The following CREB5 variants were observed in gnomAD, a reference collection of about 807,000 sequenced individuals.
CREB5 encodes the protein cAMP responsive element binding protein 5.
A neutral mutation model predicts 57.1 loss-of-function variants in CREB5; 19 were observed. That is an observed-to-expected ratio of 0.33 (90% confidence interval 0.23 to 0.49). CREB5 has a LOEUF of 0.49. Ranked by LOEUF, CREB5 falls within the 20% of genes least tolerant of loss-of-function variation. The pLI, the probability that CREB5 is intolerant of heterozygous loss-of-function variation, is 0.99. For missense variants in CREB5, 579 were observed against 671.6 expected (o/e 0.86, Z 1.52); for synonymous variants, 238 against 238.3 (o/e 1.00, Z 0.01).
intron 1 of CREB5, among the ~76,000 whole-genome samples, chr7:28,462,333 A>G (rs177589): frequency 0.86 from 130,294 of 152,212 alleles, 55,919 homozygotes; most frequent in East Asian, 1. Context: ...CATTTGGGTT[A>G]TTTCTACTTT....
chr7:28,785,805 A>G (rs887865823), intron 7 of CREB5, among the ~76,000 whole-genome samples: 5 of 152,176 alleles, frequency 3.3e-5, no homozygotes, highest in Non-Finnish European at 7.3e-5. Flanking sequence ...GTGCTTGTGA[A>G]GCTCCAGGAC....
intron 7 of CREB5, among the ~76,000 whole-genome samples, chr7:28,728,714 GC>G (rs1242976016): frequency 6.6e-6 from 1 of 152,166 alleles, no homozygotes; most frequent in Non-Finnish European, 1.5e-5. Context: ...ACTGAGAAAG[GC>G]CCCATGAATG....
chr7:28,669,011 G>T (rs926447549), intron 5 of CREB5, among the ~76,000 whole-genome samples: 10 of 152,182 alleles, frequency 6.6e-5, no homozygotes, highest in African/African-American at 2.4e-4. Context: ...CACCAATACT[G>T]TGCATCAGAA....
At chr7:28,584,537 TGC>T (rs1796242069) in intron 5 of CREB5, among the ~76,000 whole-genome samples, 1 of 152,166 alleles carries the variant, frequency 6.6e-6, no homozygotes. Context: ...CGCCAGGGAT[TGC>T]CAGCCACCAC....
intron 1 of CREB5, among the ~76,000 whole-genome samples, chr7:28,465,629 C>G (rs1790531514): frequency 6.6e-6 from 1 of 152,136 alleles, no homozygotes; most frequent in Admixed American, 6.5e-5. Flanking sequence ...ATTTTACTTT[C>G]CCTCTCTAAG....
chr7:28,432,371 G>A (rs1006830413), intron 1 of CREB5, among the ~76,000 whole-genome samples: 19 of 152,102 alleles, frequency 1.2e-4, no homozygotes, highest in African/African-American at 4.1e-4. Context: ...ATCATTTTTC[G>A]GTTGTGTCAT....
At chr7:28,445,783 C>A (rs1286413850) in intron 1 of CREB5, among the ~76,000 whole-genome samples, 2 of 151,658 alleles carry the variant, frequency 1.3e-5, no homozygotes, top group Admixed American at 6.6e-5. Context: ...GATCTTCTGA[C>A]CTCATGATCC....
chr7:28,372,193 G>A lies in CREB5; in HGVS notation c.-25+72752G>A, dbSNP rs144371263. 5.2e-3 allele frequency among the ~76,000 whole-genome samples: 789 copies of A among 152,316 alleles called. 4 individuals are homozygous for A. Among genetic ancestry groups the A allele is most frequent in the Non-Finnish European group, 5.4e-3 (366 of 68,036 alleles). On this transcript the variant is annotated intron_variant, in intron 1 of 9. Coordinates refer to the CREB5 transcript ENST00000396299. ...AAGGCAGATTGATTGATGATTTAAA[G>A]AGGGAGGCAGATACATACATTACTA...
At chr7:28,373,230 C>T (rs1005985217) in intron 1 of CREB5, among the ~76,000 whole-genome samples, 7 of 152,136 alleles carry the variant, frequency 4.6e-5, no homozygotes, top group Non-Finnish European at 5.9e-5. Flanking sequence ...CCTCCCATGA[C>T]GGTCAGGATT....
intron 7 of CREB5, among the ~76,000 whole-genome samples, chr7:28,726,298 A>C (rs1803334968): frequency 6.6e-6 from 1 of 152,134 alleles, no homozygotes; most frequent in Non-Finnish European, 1.5e-5. Context: ...TGTTATTGCC[A>C]ATACATCAAT....
intron 1 of CREB5, among the ~76,000 whole-genome samples, chr7:28,466,583 G>A (rs118110626): frequency 3.9e-5 from 6 of 152,148 alleles, no homozygotes; most frequent in East Asian, 1.9e-4. Context: ...TAAGCTTTTC[G>A]TGTCACAAGA....
intron 2 of CREB5, among the ~76,000 whole-genome samples, chr7:28,494,385 A>G (rs942468842): frequency 6.6e-6 from 1 of 152,142 alleles, no homozygotes; most frequent in African/African-American, 2.4e-5. Flanking sequence ...TTTTTTGTAT[A>G]TATATGTTAT....
chr7:28,455,550 G>A (rs1790056922), intron 1 of CREB5, among the ~76,000 whole-genome samples: 1 of 152,220 alleles, frequency 6.6e-6, no homozygotes, highest in Admixed American at 6.5e-5. Flanking sequence ...TCAGGTAGTG[G>A]CAAGAGATTC....
At chr7:28,628,743 T>C (rs998015549) in intron 5 of CREB5, among the ~76,000 whole-genome samples, 2 of 152,190 alleles carry the variant, frequency 1.3e-5, no homozygotes, top group African/African-American at 4.8e-5. Flanking sequence ...ATCTGGCTTT[T>C]CTAGGAAAAT....
chr7:28,701,852 G>A (rs1162647536), intron 5 of CREB5, among the ~76,000 whole-genome samples: 1 of 152,158 alleles, frequency 6.6e-6, no homozygotes, highest in East Asian at 1.9e-4. Flanking sequence ...TTTAAAGTAT[G>A]TTTCAAATAA....
chr7:28,700,019 TCACCTAAA>T (rs1801764427), intron 5 of CREB5, among the ~76,000 whole-genome samples: 1 of 152,232 alleles, frequency 6.6e-6, no homozygotes, highest in Admixed American at 6.5e-5. Flanking sequence ...TACAAGGGCA[TCACCTAAA>T]TGGGACGTAC....
At position 28,686,437 on chromosome 7, in the gene CREB5, G is replaced by A. The variant is rs139073075; in HGVS notation, c.465-32316G>A. On this transcript the variant is annotated intron_variant, in intron 5 of 10. Coordinates refer to ENST00000357727, the MANE Select transcript of CREB5 (RefSeq NM_182898.4). ...CGATCAGAGTTTTTGTTCTAGCACA[G>A]AGACCTGAATGAGTTGAACAGAGGC... Among the ~76,000 whole-genome samples the A allele has an allele frequency of 2.6e-3, 386 of 148,916 alleles. 1 individual carries two copies. Among genetic ancestry groups the A allele is most frequent in the Admixed American group, 8.2e-3 (121 of 14,842 alleles).
chr7:28,734,206 C>CAA (rs61403862), intron 7 of CREB5, among the ~76,000 whole-genome samples: 218 of 95,806 alleles, frequency 2.3e-3, no homozygotes, highest in Middle Eastern at 5.4e-3. Context: ...TTCAGTAGTT[C>CAA]AAAAAAAAAA....
intron 5 of CREB5, among the ~76,000 whole-genome samples, chr7:28,586,332 C>G (rs773042171): frequency 6.6e-6 from 1 of 152,208 alleles, no homozygotes; most frequent in Non-Finnish European, 1.5e-5. Flanking sequence ...CCCAAAGAAG[C>G]TCAGAGCTCT....
Sources: allele counts gnomAD v4.1 joint callset (sites outside exome capture counted in the v4.1 genomes callset), GRCh38; gene constraint gnomAD v4.1.1; transcripts MANE v1.5; gene names NCBI Gene and HGNC (gene_info 2026-07-23, HGNC 2026-07-21).